The following PCDHA1 variants were observed in gnomAD, a reference collection of about 807,000 sequenced individuals.
PCDHA1 encodes protocadherin alpha 1, also known as protocadherin alpha-1.
Under a neutral mutation model 61.3 loss-of-function variants are expected in PCDHA1, and 42 were observed. The observed-to-expected ratio is 0.69, with a 90% confidence interval of 0.54 to 0.89. The LOEUF (loss-of-function observed/expected upper bound fraction) is 0.89. Among genes scored for constraint, PCDHA1 ranks in the 40% least tolerant of loss-of-function variants. The pLI is 0.00. For missense variants in PCDHA1, 1,256 were observed against 1,235.3 expected (o/e 1.02, Z -0.25); for synonymous variants, 610 against 553.8 (o/e 1.10, Z -1.43).
intron 1 of PCDHA1, chr5:140,967,928 A>T (rs1438894870): frequency 3.1e-6 from 5 of 1,614,082 alleles, no homozygotes; most frequent in Non-Finnish European, 3.4e-6. Flanking sequence ...GGCCGTTCTC[A>T]GTGTCAATGA....
At chr5:140,864,765 T>C (rs1345308303) in intron 1 of PCDHA1, 1 of 152,222 alleles carries the variant, frequency 6.6e-6, no homozygotes, top group Non-Finnish European at 1.5e-5. Context: ...TTTCTTTCAT[T>C]TTTGGTACCT....
chr5:140,790,262 T>C (rs1033340515), intron 1 of PCDHA1, among the ~76,000 whole-genome samples: 21 of 152,208 alleles, frequency 1.4e-4, no homozygotes, highest in African/African-American at 4.8e-4. Context: ...GTAGACATCA[T>C]TGTATTTGGT....
At chr5:141,009,295 A>T (rs782350734) in intron 3 of PCDHA1, among the ~76,000 whole-genome samples, 13 of 152,030 alleles carry the variant, frequency 8.6e-5, no homozygotes, top group Admixed American at 3.9e-4. Context: ...TTTCTATAAA[A>T]TTTTTTTTAA....
chr5:140,822,222 G>C (rs2150114654), intron 1 of PCDHA1: 1 of 1,614,212 alleles, frequency 6.2e-7, no homozygotes, highest in South Asian at 1.1e-5. Flanking sequence ...TGCCAGATTC[G>C]CGGTTTCCGC....
intron 1 of PCDHA1, chr5:140,803,233 C>T: frequency 1.9e-6 from 3 of 1,613,760 alleles, no homozygotes; most frequent in South Asian, 2.2e-5. Context: ...CCCAAGGCCT[C>T]GTCCCAGGCG....
At chr5:140,978,896 G>T in intron 1 of PCDHA1, 53 bp from the exon 2 acceptor site, 1 of 1,612,808 alleles carries the variant, frequency 6.2e-7, no homozygotes, top group South Asian at 1.1e-5. Context: ...CAGCATTCCT[G>T]GGAGAACATT....
intron 1 of PCDHA1, chr5:140,881,365 T>A (rs1216010175): frequency 1.0e-6 from 1 of 985,144 alleles, no homozygotes; most frequent in Non-Finnish European, 1.2e-6. Flanking sequence ...GGCTTTCGTA[T>A]GAATTGCAGC....
intron 1 of PCDHA1, among the ~76,000 whole-genome samples, chr5:140,891,030 T>G (rs1583035754): frequency 6.6e-6 from 1 of 151,856 alleles, no homozygotes; most frequent in Non-Finnish European, 1.5e-5. Context: ...GGGTATAATC[T>G]TAGGTGTGAC....
intron 1 of PCDHA1, among the ~76,000 whole-genome samples, chr5:140,791,762 T>C (rs1262258060): frequency 6.6e-6 from 1 of 152,216 alleles, no homozygotes. Flanking sequence ...AACTGAAATT[T>C]AAAATGTCAT....
chr5:140,841,175 A>G (rs1265444070), intron 1 of PCDHA1: 19 of 1,071,444 alleles, frequency 1.8e-5, no homozygotes, highest in African/African-American at 3.2e-5. Flanking sequence ...CTGGTTGGTC[A>G]ATGTTCAAAG....
intron 1 of PCDHA1, among the ~76,000 whole-genome samples, chr5:140,974,906 T>G (rs1197306976): frequency 6.6e-6 from 1 of 152,182 alleles, no homozygotes; most frequent in Non-Finnish European, 1.5e-5. Flanking sequence ...TTGTAACAAA[T>G]TACCACAAGT....
chr5:140,830,091 T>A, intron 1 of PCDHA1: 1 of 1,613,542 alleles, frequency 6.2e-7, no homozygotes, highest in Non-Finnish European at 8.5e-7. Context: ...ACGGTTCTGG[T>A]GTCGCTGGTG....
chr5:140,927,011 C>T, intron 1 of PCDHA1: 1 of 1,612,606 alleles, frequency 6.2e-7, no homozygotes, highest in Non-Finnish European at 8.5e-7. Context: ...GGCAATCTCT[C>T]CGCGGACTTG....
intron 1 of PCDHA1, among the ~76,000 whole-genome samples, chr5:140,977,260 T>C (rs2096752693): frequency 6.6e-6 from 1 of 152,226 alleles, no homozygotes. Flanking sequence ...TCTCAGCAGA[T>C]GTTACAGTCT....
intron 1 of PCDHA1, chr5:140,802,193 T>C (rs548656877): frequency 6.2e-7 from 1 of 1,614,208 alleles, no homozygotes; most frequent in African/African-American, 1.3e-5. Context: ...CAATGTCAGA[T>C]CACTGCACAG....
intron 3 of PCDHA1, among the ~76,000 whole-genome samples, chr5:141,005,519 C>T (rs1374058521): frequency 1.3e-5 from 2 of 151,140 alleles, no homozygotes; most frequent in Middle Eastern, 3.2e-3. Context: ...CTGGCTAACA[C>T]GGTGAAACCC....
chr5:140,812,066 G>A (rs1441798556), intron 1 of PCDHA1: 1 of 147,612 alleles, frequency 6.8e-6, no homozygotes, highest in African/African-American at 2.5e-5. Flanking sequence ...TTTTTTTTTG[G>A]AAGAGTTTGA....
intron 1 of PCDHA1, chr5:140,882,682 A>G (rs782727780): frequency 9.3e-6 from 15 of 1,614,080 alleles, no homozygotes; most frequent in Admixed American, 3.3e-5. Context: ...AAAGCAAGAA[A>G]CGAATAATCA....
intron 1 of PCDHA1, chr5:140,967,401 G>C: frequency 6.2e-7 from 1 of 1,611,944 alleles, no homozygotes; most frequent in Non-Finnish European, 8.5e-7. Context: ...CTGGTGCTGC[G>C]TAAGGGCCTA....
Sources: allele counts gnomAD v4.1 joint callset (sites outside exome capture counted in the v4.1 genomes callset), GRCh38; gene constraint gnomAD v4.1.1; transcripts MANE v1.5; gene names NCBI Gene and HGNC (gene_info 2026-07-23, HGNC 2026-07-21).